The following SH3PXD2B variants were observed in gnomAD, a reference collection of about 807,000 sequenced individuals.
SH3PXD2B encodes the protein SH3 and PX domains 2B, also known as SH3 and PX domain-containing protein 2B.
Under a neutral mutation model 73.1 loss-of-function variants are expected in SH3PXD2B, and 37 were observed. The ratio of observed to expected loss-of-function variants is 0.51; its 90% CI spans 0.39 to 0.67. The LOEUF is 0.67. Ranked by LOEUF, SH3PXD2B falls within the 30% of genes least tolerant of loss-of-function variation. The pLI is 0.00. For missense variants in SH3PXD2B, 1,053 were observed against 1,197.8 expected (o/e 0.88, Z 1.78); for synonymous variants, 457 against 480.5 (o/e 0.95, Z 0.64).
At chr5:172,340,785 G>C (rs557362963) in intron 12 of SH3PXD2B, among the ~76,000 whole-genome samples, 1 of 152,212 alleles carries the variant, frequency 6.6e-6, no homozygotes, top group Admixed American at 6.5e-5. Context: ...AGTAGAGATG[G>C]GGTTTTACCA....
intron 2 of SH3PXD2B, among the ~76,000 whole-genome samples, chr5:172,408,816 G>A (rs1306894672): frequency 6.6e-6 from 1 of 151,074 alleles, no homozygotes; most frequent in East Asian, 2.0e-4. Context: ...GAGCCACCAC[G>A]CCTGGCCTGG....
chr5:172,350,926 T>C (rs1265501050), intron 9 of SH3PXD2B, among the ~76,000 whole-genome samples: 1 of 152,234 alleles, frequency 6.6e-6, no homozygotes, highest in Non-Finnish European at 1.5e-5. Context: ...AAGCCTGGCA[T>C]AGACAGATGG....
intron 1 of SH3PXD2B, among the ~76,000 whole-genome samples, chr5:172,432,557 G>A (rs990425511): frequency 1.2e-4 from 18 of 152,122 alleles, no homozygotes; most frequent in African/African-American, 3.9e-4. Context: ...AAAGTGCTTC[G>A]AGTATCGCTT....
chr5:172,396,616 CTTTTTTTT>C (rs34169390), intron 3 of SH3PXD2B, among the ~76,000 whole-genome samples: 1 of 126,514 alleles, frequency 7.9e-6, no homozygotes, highest in Non-Finnish European at 1.7e-5. Context: ...GAGAGAAAGC[CTTTTTTTT>C]TTTTTTTTTT....
At chr5:172,359,387 C>CAAAAAAAAAAAAAAAAA (rs70982393) in intron 7 of SH3PXD2B, among the ~76,000 whole-genome samples, 4 of 84,080 alleles carry the variant, frequency 4.8e-5, no homozygotes, top group African/African-American at 9.6e-5. Flanking sequence ...ACCCCCATCT[C>CAAAAAAAAAAAAAAAAA]AAAAAAAAAA....
In SH3PXD2B at chr5:172,335,864, G is replaced by C. The variant is rs981274326; in HGVS notation, c.*2505C>G. On this transcript the variant is annotated 3_prime_UTR_variant, in exon 13 of 13. Transcript: ENST00000311601. Reference sequence around the variant, plus strand: ...AGGCCATAGATATGACTCAAGGAGAGAACAGTGAACAGAGAGGACTGTGGC... The same window carrying C: ...AGGCCATAGATATGACTCAAGGAGACAACAGTGAACAGAGAGGACTGTGGC... 2.4e-6 allele frequency: 3 copies of C among 1,224,524 alleles called. No individual in the cohort carries two copies. The highest frequency in any genetic ancestry group is 3.0e-6 in the Non-Finnish European group (3 of 984,032). 75.9% of individuals were successfully genotyped at this position (1,224,524 alleles called of 1,614,324 possible).
At chr5:172,369,209 ATTTT>A (rs963669318) in intron 6 of SH3PXD2B, among the ~76,000 whole-genome samples, 1 of 133,386 alleles carries the variant, frequency 7.5e-6, no homozygotes, top group African/African-American at 2.9e-5. Context: ...GTTTTTATGT[ATTTT>A]TTTTGTTTTG....
In SH3PXD2B at chr5:172,353,883, G is replaced by T. The variant is rs1277184735; in HGVS notation, c.785+5C>A. On this transcript the variant is annotated splice_donor_5th_base_variant and intron_variant, in intron 9 of 12. Coordinates refer to ENST00000311601, the MANE Select transcript of SH3PXD2B (RefSeq NM_001017995.3). The surrounding 1 kb of genome is among the most constrained non-coding windows in gnomAD (Gnocchi z 4.3). ...CCAGCAACCGTGGGGGGCAGCGGCT[G>T]GTACCTGATCTTCCACCAGCCTTCC... 1.2e-6 allele frequency: 2 copies of T among 1,612,414 alleles called. No homozygotes were observed. The highest frequency in any genetic ancestry group is 1.7e-6 in the Non-Finnish European group (2 of 1,178,980).
chr5:172,352,948 C>T (rs374345306), intron 9 of SH3PXD2B, among the ~76,000 whole-genome samples: 1 of 152,074 alleles, frequency 6.6e-6, no homozygotes, highest in Non-Finnish European at 1.5e-5. Context: ...CCTCAGGAAG[C>T]CTTCCTGACC....
downstream of SH3PXD2B, among the ~76,000 whole-genome samples, chr5:172,330,711 C>G (rs1471739649): frequency 6.6e-6 from 1 of 152,210 alleles, no homozygotes; most frequent in Admixed American, 6.5e-5. Flanking sequence ...GATTCGGGAA[C>G]TTATGGTAAG....
At chr5:172,368,551 ATATTATATATATATAAAATATG>A (rs1757601844) in intron 6 of SH3PXD2B, among the ~76,000 whole-genome samples, 10 of 20,960 alleles carry the variant, frequency 4.8e-4, no homozygotes, top group South Asian at 2.2e-3. Flanking sequence ...AAATATATAT[ATATTATATATATATAAAATATG>A]TTATATATAT....
intron 1 of SH3PXD2B, among the ~76,000 whole-genome samples, chr5:172,435,296 T>C (rs1441521732): frequency 1.5e-4 from 23 of 152,248 alleles, no homozygotes; most frequent in Non-Finnish European, 2.9e-5. Flanking sequence ...TGAAGAATAC[T>C]GTATTAGGAA....
chr5:172,394,762 C>T (rs866151990), intron 3 of SH3PXD2B, 123 bp from the exon 4 acceptor site: 15 of 945,448 alleles, frequency 1.6e-5, no homozygotes, highest in African/African-American at 1.1e-4. Flanking sequence ...TTCCTGGCTG[C>T]GATCAAGGTA....
chr5:172,423,804 G>A (rs1011742185), intron 1 of SH3PXD2B, among the ~76,000 whole-genome samples: 33 of 152,218 alleles, frequency 2.2e-4, no homozygotes, highest in South Asian at 4.2e-4. Flanking sequence ...TACCGTGCCC[G>A]GCTAATTTTT....
chr5:172,414,328 G>T (rs1758768828), intron 2 of SH3PXD2B, among the ~76,000 whole-genome samples: 1 of 151,932 alleles, frequency 6.6e-6, no homozygotes. Flanking sequence ...AATTAGCCGG[G>T]CATGGTAGCG....
In SH3PXD2B at chr5:172,394,653, G is replaced by C. The variant is rs373422860; in HGVS notation, c.233-14C>G. 58 of 1,613,506 alleles carry C rather than the reference G, an allele frequency of 3.6e-5. No homozygotes were observed. The highest frequency in any genetic ancestry group is 8.0e-5 in the African/African-American group (6 of 74,922). ...AGAGAATCTTACCTGCAGAAGATGA[G>C]AGCAAAGACAGTGTTGTCAGGGAAC... On this transcript the variant is annotated splice_polypyrimidine_tract_variant and intron_variant, in intron 3 of 12. Coordinates refer to ENST00000311601, the MANE Select transcript of SH3PXD2B (RefSeq NM_001017995.3).
chr5:172,347,265 T>G lies in SH3PXD2B; in HGVS notation c.1062+18A>C, dbSNP rs1757017619. ...CCTCAAGTCAGTGGCCACTCCCCAG[T>G]AGCGAGGATCCACTTACAATGGTCA... is the stretch of plus-strand genomic sequence containing the variant. On this transcript the variant is annotated intron_variant, in intron 11 of 12. Coordinates refer to ENST00000311601, the MANE Select transcript of SH3PXD2B (RefSeq NM_001017995.3). 2 of 1,613,698 alleles carry G rather than the reference T, an allele frequency of 1.2e-6. No individual in the cohort carries two copies. Among genetic ancestry groups the G allele is most frequent in the African/African-American group, 2.7e-5 (2 of 74,892 alleles).
chr5:172,416,085 T>C (rs1758812584), intron 2 of SH3PXD2B, among the ~76,000 whole-genome samples: 3 of 152,224 alleles, frequency 2.0e-5, no homozygotes, highest in Middle Eastern at 6.8e-3. Context: ...CCCAGCACTT[T>C]GGGAGGCCGA....
chr5:172,435,464 C>T (rs1392128466), intron 1 of SH3PXD2B, among the ~76,000 whole-genome samples: 1 of 152,196 alleles, frequency 6.6e-6, no homozygotes, highest in African/African-American at 2.4e-5. Context: ...CTTGCTCCCT[C>T]TGTCATCCAG....
Sources: gnomAD v4.1 joint callset for allele counts (sites outside exome capture counted in the v4.1 genomes callset) on GRCh38, gnomAD v4.1.1 for gene constraint, Gnocchi (gnomAD v3.1) non-coding constraint, MANE v1.5 for transcripts, NCBI Gene and HGNC (gene_info 2026-07-23, HGNC 2026-07-21) for gene names.